FGF6: variants seen among roughly 807,000 people sequenced by gnomAD.
The protein encoded by FGF6 is fibroblast growth factor 6.
Under a neutral mutation model 18.4 loss-of-function variants are expected in FGF6, and 14 were observed. The observed-to-expected ratio is 0.76, with a 90% CI of 0.50 to 1.19. FGF6 has a LOEUF of 1.19. Ranked by LOEUF, FGF6 falls within the 50% of genes most tolerant of loss-of-function variation. The pLI is 0.00. For synonymous variants in FGF6, 125 were observed against 116.7 expected (o/e 1.07, Z -0.46); for missense variants, 266 against 271.6 (o/e 0.98, Z 0.15).
Position 4,445,605 on chromosome 12 carries a change from T to G in FGF6, c.-35A>C. The G allele has an allele frequency of 2.7e-6, 4 of 1,503,364 alleles. No homozygotes were observed. Among genetic ancestry groups the G allele is most frequent in the Non-Finnish European group, 3.6e-6 (4 of 1,116,916 alleles). 93.1% of individuals were successfully genotyped at this position (1,503,364 alleles called of 1,614,324 possible). Reference sequence around the variant, plus strand: ...CTCTCAGGCACGTGGTCAGAATTAATGGCCCTAAAAATACCGCCCTTCTTG... The same window carrying G: ...CTCTCAGGCACGTGGTCAGAATTAAGGGCCCTAAAAATACCGCCCTTCTTG... On this transcript the variant is annotated 5_prime_UTR_variant, in exon 1 of 3. Coordinates refer to ENST00000228837, the MANE Select transcript of FGF6 (RefSeq NM_020996.3). The surrounding 1 kb of genome is among the most constrained non-coding windows in gnomAD (Gnocchi z 5.5).
intron 2 of FGF6, among the ~76,000 whole-genome samples, chr12:4,439,989 C>G (rs1259967442): frequency 6.6e-6 from 1 of 152,212 alleles, no homozygotes; most frequent in South Asian, 2.1e-4. Flanking sequence ...AGACCCAGCC[C>G]CTTAATTCAT....
At chr12:4,435,079 A>G (rs1865612314) in intron 2 of FGF6, among the ~76,000 whole-genome samples, 1 of 151,846 alleles carries the variant, frequency 6.6e-6, no homozygotes, top group South Asian at 2.1e-4. Flanking sequence ...TCTATCCCTC[A>G]AAAAGGCCCA....
In FGF6 at chr12:4,437,840, A is replaced by G. The variant is rs993352262; in HGVS notation, c.451-3449T>C. 5.8e-4 allele frequency among the ~76,000 whole-genome samples: 86 copies of G among 149,214 alleles called. 1 individual carries two copies. Among genetic ancestry groups the G allele is most frequent in the Admixed American group, 5.1e-3 (76 of 14,850 alleles). On this transcript the variant is annotated intron_variant, in intron 2 of 2. Coordinates refer to ENST00000228837, the MANE Select transcript of FGF6 (RefSeq NM_020996.3). ...CCAAAGGGAGTAAAGATTCAAATGT[A>G]AAAAAAAAAGAACCATTAAAATCCA...
intron 2 of FGF6, among the ~76,000 whole-genome samples, chr12:4,443,433 G>T (rs1865715723): frequency 6.6e-6 from 1 of 152,366 alleles, no homozygotes; most frequent in African/African-American, 2.4e-5. Flanking sequence ...CAAATGATGG[G>T]CCGAGGGCTG....
chr12:4,435,317 A>G (rs1264991660), intron 2 of FGF6, among the ~76,000 whole-genome samples: 2 of 152,234 alleles, frequency 1.3e-5, no homozygotes, highest in East Asian at 3.9e-4. Context: ...CAGCAGTGGC[A>G]TTAGATTCTC....
intron 2 of FGF6, among the ~76,000 whole-genome samples, chr12:4,434,883 G>T (rs1175327170): frequency 6.6e-6 from 1 of 152,166 alleles, no homozygotes; most frequent in East Asian, 1.9e-4. Flanking sequence ...CCTTGGGCAG[G>T]TTCCTCCCCT....
At chr12:4,444,372 T>C in intron 1 of FGF6, 136 bp from the exon 2 acceptor site, 1 of 619,772 alleles carries the variant, frequency 1.6e-6, no homozygotes, top group Non-Finnish European at 2.9e-6. Flanking sequence ...ATGATCCCTC[T>C]AACTCTAGGA....
intron 2 of FGF6, among the ~76,000 whole-genome samples, chr12:4,440,741 G>A (rs1865681075): frequency 6.6e-6 from 1 of 152,208 alleles, no homozygotes; most frequent in Admixed American, 6.5e-5. Flanking sequence ...CTGCATAAGG[G>A]CATGCACCTC....
At chr12:4,441,931 G>A (rs923625785) in intron 2 of FGF6, among the ~76,000 whole-genome samples, 5 of 152,116 alleles carry the variant, frequency 3.3e-5, no homozygotes, top group East Asian at 1.9e-4. Context: ...CACACAAAAC[G>A]TCAGGTGCCC....
intron 2 of FGF6, among the ~76,000 whole-genome samples, chr12:4,437,434 C>T (rs1029977633): frequency 5.9e-5 from 9 of 152,140 alleles, no homozygotes; most frequent in Admixed American, 1.3e-4. Context: ...CAGAGGCTGA[C>T]GCTGGCTCTG....
rs147431575 is a variant in FGF6, at chr12:4,445,293, C to T, written c.278G>A (p.Gly93Asp). The T allele has an allele frequency of 1.2e-6, 2 of 1,614,036 alleles. No homozygotes were observed. Among genetic ancestry groups the T allele is most frequent in the Non-Finnish European group, 1.7e-6 (2 of 1,180,032 alleles). ...GAGCACCTGGAGGTGAAAGCCGATG[C>T]CCACGTTGCAGTAGAGCCTCCGCTG... ...KRQRRLYCNV[G>D]IGFHLQVLPD... The change falls in exon 1 of 3, where the codon GGC (glycine) becomes GAC (aspartate). Residue 93 changes from glycine to aspartate, a missense_variant. By Grantham distance (94) the Gly-to-Asp change is moderately conservative (BLOSUM62 -1). Coordinates refer to ENST00000228837, the MANE Select transcript of FGF6 (RefSeq NM_020996.3). This position sits in a 1 kb window ranked among gnomAD's most constrained non-coding sequence, Gnocchi z 5.5.
chr12:4,439,641 T>TC (rs1865666088), intron 2 of FGF6, among the ~76,000 whole-genome samples: 2 of 151,922 alleles, frequency 1.3e-5, no homozygotes, highest in Non-Finnish European at 2.9e-5. Context: ...TCAAATCCAC[T>TC]CCCCCTCAAC....
At chr12:4,437,543 A>G (rs1485209275) in intron 2 of FGF6, among the ~76,000 whole-genome samples, 1 of 152,226 alleles carries the variant, frequency 6.6e-6, no homozygotes, top group Non-Finnish European at 1.5e-5. Context: ...CAGCAGCACC[A>G]GGAAAAATTC....
rs756102466 is a variant in FGF6 at position 4,445,498 on chromosome 12, G to A, written c.73C>T (p.Leu25Phe). Residue 25 changes from leucine to phenylalanine, a missense_variant, in exon 1 of 3, where the codon CTC becomes TTC. Coordinates refer to ENST00000228837, the MANE Select transcript of FGF6 (RefSeq NM_020996.3). The surrounding 1 kb of genome is among the most constrained non-coding windows in gnomAD (Gnocchi z 5.5). ...CCCACTAGGATGCCTAGGAAGACGA[G>A]AGCCCACAGCGTGCCCTGCAGACGT... ...AGRLQGTLWALVFLGILVGMV... is the reference protein window; with the variant it reads ...AGRLQGTLWAFVFLGILVGMV... 9 of 1,612,962 alleles carry A rather than the reference G, an allele frequency of 5.6e-6. No individual in the cohort carries two copies. The highest frequency in any genetic ancestry group is 5.9e-6 in the Non-Finnish European group (7 of 1,179,978).
chr12:4,435,311 A>G (rs1027784020), intron 2 of FGF6, among the ~76,000 whole-genome samples: 31 of 152,282 alleles, frequency 2.0e-4, no homozygotes, highest in African/African-American at 7.0e-4. Context: ...TCAGATCAGC[A>G]GTGGCATTAG....
chr12:4,438,597 C>T (rs554255519), intron 2 of FGF6, among the ~76,000 whole-genome samples: 2 of 151,598 alleles, frequency 1.3e-5, no homozygotes, highest in East Asian at 3.9e-4. Flanking sequence ...CGCATCTCTA[C>T]CAAAATACAA....
At chr12:4,435,479 G>C (rs376778674) in intron 2 of FGF6, among the ~76,000 whole-genome samples, 1 of 152,126 alleles carries the variant, frequency 6.6e-6, no homozygotes, top group African/African-American at 2.4e-5. Context: ...CCTGTCCATG[G>C]AAATAGTCTT....
At chr12:4,444,277 A>G in intron 1 of FGF6, 41 bp from the exon 2 acceptor site, 4 of 1,394,892 alleles carry the variant, frequency 2.9e-6, no homozygotes, top group Non-Finnish European at 4.1e-6. Flanking sequence ...AGGCTTGTGC[A>G]AATCAGAGTG....
At chr12:4,440,151 G>A (rs1014959703) in intron 2 of FGF6, among the ~76,000 whole-genome samples, 1 of 152,150 alleles carries the variant, frequency 6.6e-6, no homozygotes, top group Non-Finnish European at 1.5e-5. Flanking sequence ...CATTCCACTG[G>A]GTCACATTTC....
Sources: gnomAD v4.1 joint callset for allele counts (sites outside exome capture counted in the v4.1 genomes callset) on GRCh38, gnomAD v4.1.1 for gene constraint, Gnocchi (gnomAD v3.1) non-coding constraint, MANE v1.5 for transcripts, NCBI Gene and HGNC (gene_info 2026-07-23, HGNC 2026-07-21) for gene names.